HS6ST3: variants seen among roughly 807,000 people sequenced by gnomAD.
HS6ST3 encodes the protein heparan-sulfate 6-O-sulfotransferase 3.
A neutral mutation model predicts 36.7 loss-of-function variants in HS6ST3; 12 were observed. That is an observed-to-expected ratio of 0.33 (90% CI 0.21 to 0.53). The LOEUF (loss-of-function observed/expected upper bound fraction) is 0.53, where lower values mean the gene tolerates loss of function less well. Among genes scored for constraint, HS6ST3 ranks in the 20% least tolerant of loss-of-function variants. The pLI, the probability that HS6ST3 is intolerant of heterozygous loss-of-function variation, is 0.95. For synonymous variants in HS6ST3, 240 were observed against 257.5 expected, an observed-to-expected ratio of 0.93 and a Z score of 0.65; for missense variants, 584 against 640.9, an observed-to-expected ratio of 0.91 and a Z score of 0.96.
intron 1 of HS6ST3, among the ~76,000 whole-genome samples, chr13:96,769,631 T>C (rs1264025599): frequency 1.3e-5 from 2 of 151,808 alleles, no homozygotes; most frequent in Non-Finnish European, 2.9e-5. Flanking sequence ...ACCCTCAACA[T>C]ATATTTACTT....
intron 1 of HS6ST3, among the ~76,000 whole-genome samples, chr13:96,179,135 A>C (rs1831094): frequency 0.91 from 138,797 of 152,242 alleles, 63,398 homozygotes; most frequent in Non-Finnish European, 0.94. Context: ...TAAATGATGA[A>C]TATCTCTCAA....
chr13:96,254,498 TAC>T (rs1249145694), intron 1 of HS6ST3, among the ~76,000 whole-genome samples: 2 of 20,848 alleles, frequency 9.6e-5, no homozygotes, highest in Admixed American at 8.5e-4. Flanking sequence ...TATATATATA[TAC>T]ACATACATAC....
In HS6ST3 at chr13:96,837,891, C is replaced by G. The variant is rs147144741; in HGVS notation, c.*4693C>G. The G allele has an allele frequency of 4.6e-5, 7 of 152,236 alleles. No homozygotes were observed. In the East Asian group the frequency reaches 1.2e-3, roughly 25 times the overall value. 9.4% of individuals were successfully genotyped at this position (152,236 alleles called of 1,614,324 possible). On this transcript the variant is annotated 3_prime_UTR_variant, in exon 2 of 2. Transcript: ENST00000376705. ...CTCTCCCTTTTTAATGTCTTCTTCC[C>G]CAGGCTCCTGGTACTTTGTCAGCAA...
chr13:96,091,900 C>A (rs933857246), intron 1 of HS6ST3, among the ~76,000 whole-genome samples: 1 of 152,092 alleles, frequency 6.6e-6, no homozygotes, highest in African/African-American at 2.4e-5. Flanking sequence ...AAATGGGGAG[C>A]GGATCGCGGT....
At chr13:96,193,624 T>C (rs957587619) in intron 1 of HS6ST3, among the ~76,000 whole-genome samples, 2 of 152,080 alleles carry the variant, frequency 1.3e-5, no homozygotes, top group Non-Finnish European at 2.9e-5. Context: ...TCTTCAAAAC[T>C]GGAGCAGATG....
intron 1 of HS6ST3, among the ~76,000 whole-genome samples, chr13:96,433,430 T>C (rs1228080736): frequency 3.9e-5 from 6 of 152,222 alleles, no homozygotes; most frequent in Admixed American, 3.9e-4. Context: ...AATTGAATCC[T>C]GGGGTTGGTT....
intron 1 of HS6ST3, among the ~76,000 whole-genome samples, chr13:96,414,421 C>A (rs2055522963): frequency 6.6e-6 from 1 of 152,128 alleles, no homozygotes; most frequent in African/African-American, 2.4e-5. Context: ...TTACCCAAAG[C>A]CAAATATTAG....
intron 1 of HS6ST3, among the ~76,000 whole-genome samples, chr13:96,490,144 T>C (rs1050189197): frequency 1.3e-5 from 2 of 152,178 alleles, no homozygotes; most frequent in Non-Finnish European, 2.9e-5. Context: ...ATGGTACTAG[T>C]TCTTGGAATT....
chr13:96,743,962 C>G (rs1451801944), intron 1 of HS6ST3, among the ~76,000 whole-genome samples: 1 of 151,870 alleles, frequency 6.6e-6, no homozygotes, highest in Admixed American at 6.6e-5. Flanking sequence ...TTTTTCTTCT[C>G]TTTTTGAATT....
chr13:96,150,608 C>T (rs2054080498), intron 1 of HS6ST3, among the ~76,000 whole-genome samples: 1 of 152,146 alleles, frequency 6.6e-6, no homozygotes, highest in Non-Finnish European at 1.5e-5. Flanking sequence ...AAGATCTACA[C>T]CTATTTTTAA....
chr13:96,309,240 G>A (rs888940650), intron 1 of HS6ST3, among the ~76,000 whole-genome samples: 2 of 152,028 alleles, frequency 1.3e-5, no homozygotes. Context: ...GGAGGGGGTG[G>A]CATTTACTTT....
chr13:96,185,890 T>G (rs1177813473), intron 1 of HS6ST3, among the ~76,000 whole-genome samples: 1 of 152,180 alleles, frequency 6.6e-6, no homozygotes, highest in East Asian at 1.9e-4. Context: ...TGGGAAACGT[T>G]TATTCGCATG....
intron 1 of HS6ST3, among the ~76,000 whole-genome samples, chr13:96,809,902 T>C (rs1263526587): frequency 6.6e-6 from 1 of 152,174 alleles, no homozygotes; most frequent in African/African-American, 2.4e-5. Flanking sequence ...TATGTTTCCA[T>C]AGAGCTTGGC....
At chr13:96,753,654 G>A (rs923105591) in intron 1 of HS6ST3, among the ~76,000 whole-genome samples, 2 of 152,016 alleles carry the variant, frequency 1.3e-5, no homozygotes, top group African/African-American at 2.4e-5. Flanking sequence ...TGACTCTTTG[G>A]TTGTTTTTTC....
At position 96,565,659 on chromosome 13, in the gene HS6ST3, G is replaced by A. The variant is rs61158224; in HGVS notation, c.708-266831G>A. Among the ~76,000 whole-genome samples the A allele has an allele frequency of 8.0e-3, 1,214 of 152,200 alleles. 16 individuals carry two copies. Among genetic ancestry groups the A allele is most frequent in the African/African-American group, 0.027 (1,140 of 41,530 alleles). ...GAGACCAGGTGTGTTTACTATTCAG[G>A]AGCTCAGAGAAACAAATTCAGTGGC... is the stretch of plus-strand genomic sequence containing the variant. On this transcript the variant is annotated intron_variant, in intron 1 of 1. Transcript: ENST00000376705.
intron 1 of HS6ST3, among the ~76,000 whole-genome samples, chr13:96,131,409 CT>C (rs1232424040): frequency 6.6e-6 from 1 of 151,414 alleles, no homozygotes; most frequent in East Asian, 1.9e-4. Context: ...TTGAGGTTTA[CT>C]TTTTTTAAAA....
At chr13:96,236,524 A>G (rs1246649960) in intron 1 of HS6ST3, among the ~76,000 whole-genome samples, 2 of 151,796 alleles carry the variant, frequency 1.3e-5, no homozygotes, top group African/African-American at 4.8e-5. Context: ...CTCCATAGTT[A>G]TCCCCCATAA....
chr13:96,399,577 G>A (rs190937353), intron 1 of HS6ST3, among the ~76,000 whole-genome samples: 9 of 152,284 alleles, frequency 5.9e-5, no homozygotes, highest in Admixed American at 1.3e-4. Context: ...GAAGAAATGC[G>A]CAGAGTTACT....
intron 1 of HS6ST3, among the ~76,000 whole-genome samples, chr13:96,323,134 T>C (rs1485925391): frequency 2.6e-5 from 4 of 152,172 alleles, no homozygotes; most frequent in African/African-American, 4.8e-5. Flanking sequence ...ACCCCCAGCC[T>C]ACATATCTTT....
Sources: gnomAD v4.1 joint callset for allele counts (sites outside exome capture counted in the v4.1 genomes callset) on GRCh38, gnomAD v4.1.1 for gene constraint, MANE v1.5 for transcripts, NCBI Gene and HGNC (gene_info 2026-07-23, HGNC 2026-07-21) for gene names.